MMP20: variants seen among roughly 807,000 people sequenced by gnomAD.
MMP20 encodes matrix metallopeptidase 20.
In MMP20, 50 loss-of-function variants were observed where a neutral mutation model predicts 51.8. The observed-to-expected ratio is 0.97, with a 90% CI of 0.77 to 1.22. The LOEUF (loss-of-function observed/expected upper bound fraction) is 1.22, where lower values mean the gene tolerates loss of function less well. MMP20 is among the 50% of genes most tolerant of loss of function. MMP20 has a pLI of 0.00. For missense variants in MMP20, 663 were observed against 601.4 expected, an observed-to-expected ratio of 1.10 and a Z score of -1.07; for synonymous variants, 244 against 216.2, an observed-to-expected ratio of 1.13 and a Z score of -1.13.
chr11:102,597,192 A>G (rs1160298470), intron 6 of MMP20, among the ~76,000 whole-genome samples: 1 of 152,200 alleles, frequency 6.6e-6, no homozygotes, highest in African/African-American at 2.4e-5. Context: ...TTTCTCTTTG[A>G]TCACTCTAAA....
intron 6 of MMP20, among the ~76,000 whole-genome samples, chr11:102,597,344 C>A (rs999217128): frequency 6.6e-6 from 1 of 152,202 alleles, no homozygotes; most frequent in East Asian, 1.9e-4. Flanking sequence ...GTAGTAGTTA[C>A]GAGCTCAGGC....
intron 8 of MMP20, among the ~76,000 whole-genome samples, chr11:102,588,545 G>A (rs1199252230): frequency 1.3e-5 from 2 of 151,984 alleles, no homozygotes; most frequent in African/African-American, 4.8e-5. Flanking sequence ...ATTTCTACAT[G>A]TCATAGCCTT....
chr11:102,594,770 C>CA lies in MMP20; in HGVS notation c.954-14_954-13insT. The CA allele has an allele frequency of 2.5e-6, 3 of 1,213,158 alleles. No individual in the cohort carries two copies. The highest frequency in any genetic ancestry group is 2.1e-6 in the Non-Finnish European group (2 of 941,046). The allele number at this position is 1,213,158 out of a possible 1,614,324, so 75.1% of individuals were successfully genotyped here. A position where few individuals can be genotyped will look rare whatever the true frequency, so the allele number is the denominator to read the frequency against. ...TCTCCAGAAAATCCTATGGGACATT[C>CA]CAAAAAAAAAAAAAAAAAAAATCAA... On this transcript the variant is annotated splice_polypyrimidine_tract_variant and intron_variant, in intron 6 of 9. Coordinates refer to ENST00000260228, the MANE Select transcript of MMP20 (RefSeq NM_004771.4).
chr11:102,589,676 T>C (rs1169681708), intron 8 of MMP20, among the ~76,000 whole-genome samples: 2 of 152,174 alleles, frequency 1.3e-5, no homozygotes, highest in Non-Finnish European at 2.9e-5. Flanking sequence ...TTTTTACTTC[T>C]GCCCATTCTT....
intron 8 of MMP20, 84 bp from the exon 9 acceptor site, chr11:102,579,226 A>G (rs1859165275): frequency 1.2e-6 from 1 of 814,588 alleles, no homozygotes; most frequent in South Asian, 1.5e-5. Flanking sequence ...AGGCATATGG[A>G]CACATAACTT....
chr11:102,621,471 C>A (rs931617625), intron 1 of MMP20, among the ~76,000 whole-genome samples: 57 of 152,226 alleles, frequency 3.7e-4, no homozygotes, highest in African/African-American at 1.4e-3. Context: ...TCAGTTTTCT[C>A]ATCTATAGAG....
chr11:102,584,440 G>T (rs1859231293), intron 8 of MMP20, among the ~76,000 whole-genome samples: 1 of 152,058 alleles, frequency 6.6e-6, no homozygotes, highest in South Asian at 2.1e-4. Context: ...TGGAGAAATG[G>T]CTATTCAGAT....
intron 1 of MMP20, among the ~76,000 whole-genome samples, 161 bp from the exon 2 acceptor site, chr11:102,617,220 T>C (rs932988770): frequency 6.6e-6 from 1 of 152,244 alleles, no homozygotes; most frequent in Non-Finnish European, 1.5e-5. Context: ...AAAGCTTAGC[T>C]ATACTCCAAA....
chr11:102,595,344 T>A (rs540850973), intron 6 of MMP20, among the ~76,000 whole-genome samples: 1 of 152,330 alleles, frequency 6.6e-6, no homozygotes, highest in Non-Finnish European at 1.5e-5. Context: ...TATTTAAGGA[T>A]GTTCAAAATA....
chr11:102,577,883 T>C (rs1859144475), intron 9 of MMP20, among the ~76,000 whole-genome samples: 1 of 152,220 alleles, frequency 6.6e-6, no homozygotes, highest in South Asian at 2.1e-4. Context: ...CAACACTAAA[T>C]TATAGATTGT....
chr11:102,608,548 G>A (rs1239549572), intron 5 of MMP20, among the ~76,000 whole-genome samples: 2 of 152,162 alleles, frequency 1.3e-5, no homozygotes, highest in Non-Finnish European at 2.9e-5. Context: ...TGGGTGCAGA[G>A]TTATTTTAAT....
chr11:102,595,041 C>T (rs1277877575), intron 6 of MMP20, among the ~76,000 whole-genome samples: 2 of 152,130 alleles, frequency 1.3e-5, no homozygotes, highest in African/African-American at 4.8e-5. Context: ...CCTGCCTCAG[C>T]TTCCCGAATA....
intron 3 of MMP20, among the ~76,000 whole-genome samples, chr11:102,610,849 C>T (rs1056977246): frequency 8.6e-5 from 13 of 151,756 alleles, no homozygotes; most frequent in South Asian, 2.1e-4. Context: ...GTGCACACAC[C>T]GAGGACTTCA....
At chr11:102,586,325 T>C (rs1055722021) in intron 8 of MMP20, among the ~76,000 whole-genome samples, 1 of 152,204 alleles carries the variant, frequency 6.6e-6, no homozygotes, top group East Asian at 1.9e-4. Flanking sequence ...ATATCTTTTC[T>C]TATTGTAGGC....
At chr11:102,582,204 A>G (rs1859204311) in intron 8 of MMP20, among the ~76,000 whole-genome samples, 1 of 152,172 alleles carries the variant, frequency 6.6e-6, no homozygotes. Flanking sequence ...CCTAATCTGC[A>G]TGCTTAGAAC....
At chr11:102,624,134 G>T (rs1369650579) in intron 1 of MMP20, among the ~76,000 whole-genome samples, 1 of 152,212 alleles carries the variant, frequency 6.6e-6, no homozygotes, top group Admixed American at 6.5e-5. Flanking sequence ...GTAGGGACAT[G>T]CCATTGCACA....
At chr11:102,624,891 C>T (rs752592201) in intron 1 of MMP20, among the ~76,000 whole-genome samples, 73 of 152,112 alleles carry the variant, frequency 4.8e-4, no homozygotes, top group African/African-American at 1.7e-3. Context: ...ACATCATTCC[C>T]GGGAAGTACT....
At chr11:102,589,654 TA>T (rs1859294698) in intron 8 of MMP20, among the ~76,000 whole-genome samples, 2 of 152,114 alleles carry the variant, frequency 1.3e-5, no homozygotes, top group South Asian at 4.1e-4. Context: ...GAGTTAAGAT[TA>T]ACACTAGGAC....
chr11:102,600,284 T>C (rs1859430285), intron 6 of MMP20, among the ~76,000 whole-genome samples: 1 of 152,206 alleles, frequency 6.6e-6, no homozygotes, highest in Non-Finnish European at 1.5e-5. Context: ...AAATAGTGGT[T>C]ACTGTTATTG....
Sources: gnomAD v4.1 joint callset for allele counts (sites outside exome capture counted in the v4.1 genomes callset) on GRCh38, gnomAD v4.1.1 for gene constraint, MANE v1.5 for transcripts, NCBI Gene and HGNC (gene_info 2026-07-23, HGNC 2026-07-21) for gene names.